Variants in ACACA observed in about 807,000 individuals in gnomAD.
ACACA encodes acetyl-CoA carboxylase 1.
ACACA carries 103 observed loss-of-function variants against 296.1 expected under a neutral mutation model. The ratio of observed to expected loss-of-function variants is 0.35; its 90% CI spans 0.30 to 0.41. The LOEUF (loss-of-function observed/expected upper bound fraction) is 0.41. Among genes scored for constraint, ACACA ranks in the 10% least tolerant of loss-of-function variants. The pLI is 1.00. For synonymous variants in ACACA, 953 were observed against 1,038.6 expected, an observed-to-expected ratio of 0.92 and a Z score of 1.58; for missense variants, 1,554 against 2,989.7, an observed-to-expected ratio of 0.52 and a Z score of 11.20.
chr17:37,219,619 A>C (rs1442172833), intron 29 of ACACA, among the ~76,000 whole-genome samples: 1 of 151,600 alleles, frequency 6.6e-6, no homozygotes, highest in Non-Finnish European at 1.5e-5. Flanking sequence ...TAAGGTTATA[A>C]ATCCAAATTT....
At chr17:37,146,418 G>A (rs1274547881) in intron 45 of ACACA, among the ~76,000 whole-genome samples, 4 of 125,808 alleles carry the variant, frequency 3.2e-5, no homozygotes, top group Non-Finnish European at 3.2e-5. Context: ...ACCATGTTAA[G>A]TAAAATCAAT....
chr17:37,254,478 C>T (rs1207571709), intron 14 of ACACA, among the ~76,000 whole-genome samples: 1 of 152,132 alleles, frequency 6.6e-6, no homozygotes, highest in East Asian at 1.9e-4. Context: ...CCCAGAACCC[C>T]TCTAGACTGA....
chr17:37,400,860 G>A lies in ACACA; in HGVS notation c.38+5402C>T, dbSNP rs1469936550. On this transcript the variant is annotated intron_variant, in intron 1 of 55. Coordinates refer to ENST00000616317, the MANE Select transcript of ACACA (RefSeq NM_198834.3). ...GTGAATAATGCTGCAATGGATATGG[G>A]AGTACAGATACCTTGACATGCAGAT... 2.6e-5 allele frequency among the ~76,000 whole-genome samples: 4 copies of A among 152,126 alleles called. 1 individual carries two copies. The South Asian group carries it at 8.3e-4, about 31-fold the overall frequency.
rs775718932 is a variant in ACACA, at chr17:37,378,084, T to C, written c.38+28178A>G. 3 of 925,474 alleles carry C rather than the reference T, an allele frequency of 3.2e-6. No individual in the cohort carries two copies. The African/African-American group carries it at 5.0e-5, about 15-fold the overall frequency. 57.3% of individuals were successfully genotyped at this position (925,474 alleles called of 1,614,324 possible). Reference sequence around the variant, plus strand: ...TCTCAAATATCCTATTTTAAGGATATGTATCCTCCCAGGGGGCTTTCTGGA... The same window carrying C: ...TCTCAAATATCCTATTTTAAGGATACGTATCCTCCCAGGGGGCTTTCTGGA... On this transcript the variant is annotated intron_variant, in intron 1 of 55. Coordinates refer to ENST00000616317, the MANE Select transcript of ACACA (RefSeq NM_198834.3).
intron 23 of ACACA, among the ~76,000 whole-genome samples, chr17:37,241,243 T>C (rs981946613): frequency 2.6e-5 from 4 of 151,964 alleles, no homozygotes; most frequent in Non-Finnish European, 5.9e-5. Flanking sequence ...TCTGTGAATA[T>C]CCCTTTAGTA....
In ACACA at chr17:37,121,630, A is replaced by G. The variant is rs1382825274; in HGVS notation, c.6139-140T>C. 13 of 1,089,088 alleles carry G rather than the reference A, an allele frequency of 1.2e-5. 1 individual carries two copies. The highest frequency in any genetic ancestry group is 1.4e-6 in the Non-Finnish European group (1 of 739,674). The allele number at this position is 1,089,088 out of a possible 1,614,324, so 67.5% of individuals were successfully genotyped here. A position where few individuals can be genotyped will look rare whatever the true frequency, so the allele number is the denominator to read the frequency against. On this transcript the variant is annotated intron_variant, in intron 49 of 55. Transcript: ENST00000616317. The stretch of plus-strand genomic sequence containing the variant: ...AAAACTATTGTTCATCAAGATCATC[A>G]TGTTTGGAGTAAAAAAGAAGAAAGG...
At chr17:37,151,251 C>G (rs2076026737) in intron 44 of ACACA, 50 bp downstream of exon 44, 2 of 1,611,266 alleles carry the variant, frequency 1.2e-6, no homozygotes, top group Admixed American at 3.3e-5. Context: ...AAAAATAAAC[C>G]TAGCCACACA....
intron 3 of ACACA, chr17:37,299,224 C>G: frequency 1.3e-6 from 2 of 1,554,122 alleles, no homozygotes; most frequent in Non-Finnish European, 1.8e-6. Context: ...CTGTCAGTAC[C>G]TTACTGTTTT....
chr17:37,128,861 T>C (rs999728083), intron 47 of ACACA, among the ~76,000 whole-genome samples: 2 of 152,184 alleles, frequency 1.3e-5, no homozygotes, highest in Admixed American at 6.5e-5. Context: ...ACCAATACCA[T>C]TACCAATATC....
intron 45 of ACACA, chr17:37,141,004 T>C: frequency 2.5e-6 from 1 of 401,300 alleles, no homozygotes; most frequent in Non-Finnish European, 4.8e-6. Context: ...AATGAAGAGC[T>C]TGGCCAGGAT....
intron 39 of ACACA, among the ~76,000 whole-genome samples, chr17:37,185,441 G>C (rs1264252014): frequency 2.4e-5 from 3 of 125,214 alleles, no homozygotes; most frequent in African/African-American, 3.4e-5. Flanking sequence ...GGTAGAGACA[G>C]GGTCTTGCCT....
intron 50 of ACACA, among the ~76,000 whole-genome samples, chr17:37,116,419 C>T (rs528514890): frequency 6.6e-6 from 1 of 152,306 alleles, no homozygotes; most frequent in South Asian, 2.1e-4. Context: ...TTCCCAACTG[C>T]TGCTGGATTT....
At chr17:37,122,074 C>T (rs1315812938) in intron 49 of ACACA, among the ~76,000 whole-genome samples, 1 of 152,100 alleles carries the variant, frequency 6.6e-6, no homozygotes, top group African/African-American at 2.4e-5. Context: ...GAGGTCAAGG[C>T]TGCAGTGAGT....
In ACACA at chr17:37,113,369, T is replaced by G. The variant is rs963915480; in HGVS notation, c.6275-104A>C. The G allele has an allele frequency of 6.6e-5, 82 of 1,247,350 alleles. No homozygotes were observed. Among genetic ancestry groups the G allele is most frequent in the Non-Finnish European group, 5.3e-5 (46 of 870,060 alleles). The allele number at this position is 1,247,350 out of a possible 1,614,324, so 77.3% of individuals were successfully genotyped here. A position where few individuals can be genotyped will look rare whatever the true frequency, so the allele number is the denominator to read the frequency against. ...CTGGCCACGAAGAGCCTCCTTATAC[T>G]ATGCCTCCTGTTTGGCCACCCTATA... On this transcript the variant is annotated intron_variant, in intron 50 of 55. Coordinates refer to ENST00000616317, the MANE Select transcript of ACACA (RefSeq NM_198834.3). This position sits in a 1 kb window ranked among gnomAD's most constrained non-coding sequence, Gnocchi z 4.0.
chr17:37,181,195 T>C lies in ACACA; in HGVS notation c.4932+6A>G. The C allele has an allele frequency of 6.2e-7, 1 of 1,614,112 alleles. No homozygotes were observed. The highest frequency in any genetic ancestry group is 8.5e-7 in the Non-Finnish European group (1 of 1,179,978). On this transcript the variant is annotated splice_donor_region_variant and intron_variant, in intron 40 of 55. Coordinates refer to ENST00000616317, the MANE Select transcript of ACACA (RefSeq NM_198834.3). ...ACATGTCAGACCCTCCAGTTAGGCA[T>C]CTTACCTGCCGAAACATCTCTGGGA...
intron 11 of ACACA, among the ~76,000 whole-genome samples, chr17:37,260,296 A>ATATATATATT (rs2081443114): frequency 5.3e-5 from 1 of 18,982 alleles, no homozygotes; most frequent in Non-Finnish European, 9.2e-5. Flanking sequence ...ATATATATAT[A>ATATATATATT]TTTTTTTTTT....
At chr17:37,361,643 AAG>A (rs1432070748) in intron 1 of ACACA, among the ~76,000 whole-genome samples, 1 of 152,208 alleles carries the variant, frequency 6.6e-6, no homozygotes, top group Non-Finnish European at 1.5e-5. Flanking sequence ...AGAATGAGCA[AAG>A]AGCTGTGTCT....
chr17:37,253,947 C>T (rs1156625842), intron 14 of ACACA, among the ~76,000 whole-genome samples: 1 of 152,064 alleles, frequency 6.6e-6, no homozygotes, highest in East Asian at 1.9e-4. Flanking sequence ...CAATGATTTG[C>T]TCATTACTTT....
intron 45 of ACACA, among the ~76,000 whole-genome samples, chr17:37,139,140 G>A (rs535975858): frequency 4.6e-5 from 7 of 152,188 alleles, no homozygotes; most frequent in Admixed American, 2.6e-4. Flanking sequence ...AAGAGAGACA[G>A]GTGAAGAAAA....
Sources: allele counts gnomAD v4.1 joint callset (sites outside exome capture counted in the v4.1 genomes callset), GRCh38; gene constraint gnomAD v4.1.1; non-coding constraint Gnocchi (gnomAD v3.1); transcripts MANE v1.5; gene names NCBI Gene and HGNC (gene_info 2026-07-23, HGNC 2026-07-21).